RBFOX1: variants seen among roughly 807,000 people sequenced by gnomAD.
RBFOX1 encodes the protein RNA binding fox-1 homolog 1.
Under a neutral mutation model 57.7 loss-of-function variants are expected in RBFOX1, and 8 were observed. The observed-to-expected ratio is 0.14, with a 90% CI of 0.08 to 0.25. The LOEUF is 0.25. RBFOX1 is among the 10% of genes least tolerant of loss of function. RBFOX1 has a pLI of 1.00. For synonymous variants in RBFOX1, 326 were observed against 222.4 expected, an observed-to-expected ratio of 1.47 and a Z score of -4.15; for missense variants, 611 against 548.5, an observed-to-expected ratio of 1.11 and a Z score of -1.14.
At chr16:6,497,837 G>C (rs116060166) in intron 2 of RBFOX1, among the ~76,000 whole-genome samples, 1 of 152,020 alleles carries the variant, frequency 6.6e-6, no homozygotes, top group Non-Finnish European at 1.5e-5. Context: ...TATTACAGGC[G>C]TGAGTCACCA....
chr16:6,526,479 TC>T (rs1438095959), intron 2 of RBFOX1, among the ~76,000 whole-genome samples: 1 of 152,124 alleles, frequency 6.6e-6, no homozygotes, highest in Non-Finnish European at 1.5e-5. Flanking sequence ...GCAATACTTG[TC>T]TATTAGGTCT....
At chr16:5,731,753 G>C (rs886173256) in intron 3 of RBFOX1, among the ~76,000 whole-genome samples, 2 of 152,202 alleles carry the variant, frequency 1.3e-5, no homozygotes, top group African/African-American at 4.8e-5. Context: ...AATAGCGGTT[G>C]AACTGTTGAG....
chr16:5,616,692 CT>C (rs2048036585), intron 3 of RBFOX1, among the ~76,000 whole-genome samples: 1 of 137,648 alleles, frequency 7.3e-6, no homozygotes, highest in Non-Finnish European at 1.6e-5. Flanking sequence ...CTTCCGCCCC[CT>C]GATTGCTATT....
chr16:5,868,973 A>T (rs2057404004), intron 4 of RBFOX1, among the ~76,000 whole-genome samples: 1 of 149,644 alleles, frequency 6.7e-6, no homozygotes, highest in South Asian at 2.1e-4. Flanking sequence ...TAAAATCCTT[A>T]AAAAAATTTT....
intron 1 of RBFOX1, among the ~76,000 whole-genome samples, chr16:5,435,507 T>G (rs471459): frequency 0.67 from 101,197 of 152,098 alleles, 34,122 homozygotes; most frequent in African/African-American, 0.76. Context: ...TCTCCCTCTG[T>G]AAGATGGGTC....
chr16:5,451,613 T>G (rs896632668), intron 1 of RBFOX1, among the ~76,000 whole-genome samples: 3 of 152,166 alleles, frequency 2.0e-5, no homozygotes, highest in Admixed American at 2.0e-4. Context: ...TGACTATTAT[T>G]TAAGAAAGAA....
chr16:5,518,407 C>T (rs1019849630), intron 2 of RBFOX1, among the ~76,000 whole-genome samples: 4 of 152,178 alleles, frequency 2.6e-5, no homozygotes, highest in African/African-American at 4.8e-5. Flanking sequence ...AAGATCCCCT[C>T]TGCTTTTTCC....
chr16:5,733,145 G>C (rs1207694179), intron 3 of RBFOX1, among the ~76,000 whole-genome samples: 2 of 152,180 alleles, frequency 1.3e-5, no homozygotes, highest in East Asian at 3.8e-4. Flanking sequence ...TAGGCAGTCA[G>C]TCTGGTATAC....
chr16:6,041,408 C>G (rs1195712957), intron 1 of RBFOX1, among the ~76,000 whole-genome samples: 2 of 152,164 alleles, frequency 1.3e-5, no homozygotes, highest in Admixed American at 6.5e-5. Flanking sequence ...GATGACAAGA[C>G]TAGAAGTCCA....
chr16:6,225,226 A>C (rs999752285), intron 1 of RBFOX1, among the ~76,000 whole-genome samples: 2 of 11,334 alleles, frequency 1.8e-4, no homozygotes, highest in African/African-American at 2.4e-4. Context: ...CTGAAGTAGG[A>C]GAGTTATATA....
Position 7,536,017 on chromosome 16 carries a change from G to A in RBFOX1, c.270+17628G>A, listed in dbSNP as rs189050974. The stretch of plus-strand genomic sequence containing the variant: ...TCCTTCAAGGAATGTACAGTCTACC[G>A]TAACACAGAATACACACACACGTCA... On this transcript the variant is annotated intron_variant, in intron 5 of 15. Coordinates refer to ENST00000550418, the MANE Select transcript of RBFOX1 (RefSeq NM_018723.4). Among the ~76,000 whole-genome samples, 130 of 152,244 alleles carry A rather than the reference G, an allele frequency of 8.5e-4. 1 individual carries two copies. The highest frequency in any genetic ancestry group is 5.4e-4 in the Non-Finnish European group (37 of 68,016).
At chr16:5,910,746 C>A (rs893447928) in intron 4 of RBFOX1, among the ~76,000 whole-genome samples, 1 of 152,208 alleles carries the variant, frequency 6.6e-6, no homozygotes, top group Non-Finnish European at 1.5e-5. Context: ...CTGTCAGAAT[C>A]TGCATCTCTG....
chr16:5,398,872 G>T (rs1199017962), intron 1 of RBFOX1, among the ~76,000 whole-genome samples: 2 of 152,216 alleles, frequency 1.3e-5, no homozygotes, highest in Non-Finnish European at 2.9e-5. Context: ...GTAACCCGCA[G>T]CATCCAGGGA....
chr16:6,471,368 A>T (rs1184127105), intron 2 of RBFOX1, among the ~76,000 whole-genome samples: 2 of 152,212 alleles, frequency 1.3e-5, no homozygotes, highest in Non-Finnish European at 2.9e-5. Flanking sequence ...CCATTCTGTC[A>T]TCTAGTACGA....
chr16:6,274,071 C>T (rs1026943284), intron 1 of RBFOX1, among the ~76,000 whole-genome samples: 6 of 152,270 alleles, frequency 3.9e-5, no homozygotes, highest in South Asian at 2.1e-4. Context: ...GTTGAGCATT[C>T]GGATTACATA....
chr16:5,686,063 A>G (rs923672234), intron 3 of RBFOX1, among the ~76,000 whole-genome samples: 2 of 152,230 alleles, frequency 1.3e-5, no homozygotes, highest in Admixed American at 6.5e-5. Context: ...GGTTCCCTGC[A>G]TTAATATGGA....
intron 2 of RBFOX1, among the ~76,000 whole-genome samples, chr16:6,546,318 C>A (rs2096894761): frequency 6.6e-6 from 1 of 152,138 alleles, no homozygotes; most frequent in African/African-American, 2.4e-5. Flanking sequence ...GCACAAAGAC[C>A]TTGTAAGATA....
chr16:7,445,579 C>T (rs1306315261), intron 4 of RBFOX1, among the ~76,000 whole-genome samples: 1 of 152,078 alleles, frequency 6.6e-6, no homozygotes, highest in African/African-American at 2.4e-5. Context: ...TAAATTGTCC[C>T]CTGCCCAGAA....
intron 3 of RBFOX1, among the ~76,000 whole-genome samples, chr16:6,995,275 G>C (rs17141986): frequency 0.45 from 65,964 of 146,042 alleles, 17,782 homozygotes; most frequent in Non-Finnish European, 0.6. Flanking sequence ...AAATGACTAT[G>C]ATCTGAAAGT....
Sources: allele counts gnomAD v4.1 joint callset (sites outside exome capture counted in the v4.1 genomes callset), GRCh38; gene constraint gnomAD v4.1.1; transcripts MANE v1.5; gene names NCBI Gene and HGNC (gene_info 2026-07-23, HGNC 2026-07-21).